Variants in PLSCR4 observed in about 807,000 individuals in gnomAD.
PLSCR4 encodes the protein Ca(2+)-dependent phospholipid scramblase 4.
In PLSCR4, 25 loss-of-function variants were observed where a neutral mutation model predicts 36.3. That is an observed-to-expected ratio of 0.69 (90% CI 0.50 to 0.96). The LOEUF is 0.96. PLSCR4 is among the 40% of genes least tolerant of loss of function. The pLI is 0.00. For missense variants in PLSCR4, 408 were observed against 414.7 expected, an observed-to-expected ratio of 0.98 and a Z score of 0.14; for synonymous variants, 122 against 132.9, an observed-to-expected ratio of 0.92 and a Z score of 0.56.
At chr3:146,245,638 A>C (rs1464156160) in intron 1 of PLSCR4, among the ~76,000 whole-genome samples, 2 of 152,090 alleles carry the variant, frequency 1.3e-5, no homozygotes, top group Non-Finnish European at 2.9e-5. Flanking sequence ...CAAATGTTAA[A>C]CATATAATCT....
intron 1 of PLSCR4, among the ~76,000 whole-genome samples, chr3:146,238,294 T>C (rs1052931893): frequency 6.6e-6 from 1 of 151,788 alleles, no homozygotes; most frequent in Non-Finnish European, 1.5e-5. Flanking sequence ...CAAACTCTTC[T>C]AAAACTTATT....
chr3:146,231,847 C>T (rs150343995), intron 1 of PLSCR4, among the ~76,000 whole-genome samples: 121 of 152,196 alleles, frequency 8.0e-4, no homozygotes, highest in African/African-American at 2.9e-3. Flanking sequence ...TCTGTAAAAG[C>T]TCTTTAGTTT....
chr3:146,196,772 C>T lies in PLSCR4; in HGVS notation c.646G>A (p.Gly216Ser), dbSNP rs1341841057. The part of the protein sequence containing the change: ...RQELEVQCPP[G>S]VTIGFVAEHW... ...TCCGCAACAAAGCCAATGGTGACAC[C>T]AGGAGGACACTGCACCTCCAGCTGC... The change falls in exon 7 of 9, where the codon GGT becomes AGT. Residue 216 changes from glycine (G) to serine (S), a missense_variant. Gly to Ser is a moderately conservative substitution (Grantham distance 56, BLOSUM62 0). Transcript: ENST00000354952. 1.2e-6 allele frequency: 2 copies of T among 1,613,738 alleles called. No individual in the cohort carries two copies. Among genetic ancestry groups the T allele is most frequent in the East Asian group, 2.2e-5 (1 of 44,880 alleles).
chr3:146,196,781 A>G lies in PLSCR4; in HGVS notation c.637T>C (p.Cys213Arg). 1 of 1,613,792 alleles carries G rather than the reference A, an allele frequency of 6.2e-7. No individual in the cohort carries two copies. Among genetic ancestry groups the G allele is most frequent in the South Asian group, 1.1e-5 (1 of 91,068 alleles). The part of the protein sequence containing the change: ...PSARQELEVQ[C>R]PPGVTIGFVA... ...AAGCCAATGGTGACACCAGGAGGAC[A>G]CTGCACCTCCAGCTGCAAACAAAAC... is the stretch of plus-strand genomic sequence containing the variant. Residue 213 changes from cysteine (C) to arginine (R), a missense_variant, in exon 7 of 9, where the codon TGT (cysteine) becomes CGT (arginine). Physicochemically the swap from Cys to Arg is radical, Grantham distance 180. Transcript: ENST00000354952.
chr3:146,250,201 T>C (rs2036490935), intron 1 of PLSCR4, among the ~76,000 whole-genome samples: 1 of 152,222 alleles, frequency 6.6e-6, no homozygotes, highest in Non-Finnish European at 1.5e-5. Flanking sequence ...TGAGAGCAGA[T>C]AGACAGATGG....
chr3:146,225,821 C>T (rs139976377), intron 1 of PLSCR4, among the ~76,000 whole-genome samples: 2 of 152,210 alleles, frequency 1.3e-5, no homozygotes, highest in Non-Finnish European at 1.5e-5. Flanking sequence ...CCACACCTCC[C>T]TGCAAGCTGA....
At chr3:146,196,869 C>A (rs773246501) in intron 6 of PLSCR4, 76 bp from the exon 7 acceptor site, 25 of 1,219,074 alleles carry the variant, frequency 2.1e-5, no homozygotes, top group Non-Finnish European at 3.0e-5. Flanking sequence ...CATACACAAT[C>A]TAGATGTGTC....
At chr3:146,211,749 T>A (rs13062557) in intron 3 of PLSCR4, among the ~76,000 whole-genome samples, 5,509 of 152,220 alleles carry the variant, frequency 0.036, 151 homozygotes, top group South Asian at 0.073. Flanking sequence ...GGTGAGACAG[T>A]TTCAAATCAT....
At chr3:146,232,068 G>A (rs2035735531) in intron 1 of PLSCR4, among the ~76,000 whole-genome samples, 1 of 152,122 alleles carries the variant, frequency 6.6e-6, no homozygotes, top group South Asian at 2.1e-4. Context: ...ACAGTCTTCT[G>A]CATATGGCTA....
chr3:146,197,585 C>T (rs1031308289), intron 6 of PLSCR4, among the ~76,000 whole-genome samples: 2 of 152,012 alleles, frequency 1.3e-5, no homozygotes, highest in African/African-American at 4.8e-5. Flanking sequence ...GTTTATAAAG[C>T]CATTTTTTAA....
intron 1 of PLSCR4, among the ~76,000 whole-genome samples, chr3:146,223,365 C>T (rs1224352990): frequency 1.3e-5 from 2 of 152,050 alleles, no homozygotes; most frequent in African/African-American, 2.4e-5. Flanking sequence ...TTACTGAATG[C>T]TTATCAAGTG....
At chr3:146,229,987 C>T (rs2108317750) in intron 1 of PLSCR4, among the ~76,000 whole-genome samples, 1 of 152,186 alleles carries the variant, frequency 6.6e-6, no homozygotes, top group African/African-American at 2.4e-5. Context: ...TTCTGTGAGT[C>T]ATTCTAGGAA....
At chr3:146,247,553 T>C (rs1233858332) in intron 1 of PLSCR4, among the ~76,000 whole-genome samples, 1 of 152,232 alleles carries the variant, frequency 6.6e-6, no homozygotes, top group African/African-American at 2.4e-5. Context: ...CTTCTTTATA[T>C]GAAAGGTATT....
At chr3:146,246,556 G>A (rs370758504) in intron 1 of PLSCR4, among the ~76,000 whole-genome samples, 101 of 150,608 alleles carry the variant, frequency 6.7e-4, no homozygotes, top group Admixed American at 1.7e-3. Flanking sequence ...AATATCAGGT[G>A]TCTCCTTTTT....
intron 1 of PLSCR4, among the ~76,000 whole-genome samples, chr3:146,235,023 C>T (rs2035859628): frequency 2.6e-5 from 4 of 152,154 alleles, no homozygotes; most frequent in Admixed American, 2.6e-4. Flanking sequence ...AATCAATTAG[C>T]TCCATGGCAT....
chr3:146,194,545 C>T (rs1274880558), intron 8 of PLSCR4, 90 bp from the exon 9 acceptor site: 1 of 775,772 alleles, frequency 1.3e-6, no homozygotes, highest in Non-Finnish European at 2.2e-6. Flanking sequence ...TAGGGGATTC[C>T]CCCATTCCAG....
chr3:146,227,492 T>C (rs2035526830), intron 1 of PLSCR4, among the ~76,000 whole-genome samples: 1 of 152,224 alleles, frequency 6.6e-6, no homozygotes. Context: ...AGCTGTGTTA[T>C]ATGCAAGCTT....
chr3:146,206,470 G>T, intron 4 of PLSCR4, 56 bp downstream of exon 4: 11 of 1,303,054 alleles, frequency 8.4e-6, no homozygotes, highest in Admixed American at 7.0e-5. Flanking sequence ...TTCTCTCTTT[G>T]TTGGATCCCT....
At chr3:146,225,443 C>T (rs1234234945) in intron 1 of PLSCR4, among the ~76,000 whole-genome samples, 1 of 152,242 alleles carries the variant, frequency 6.6e-6, no homozygotes, top group Non-Finnish European at 1.5e-5. Flanking sequence ...ACTCCTCAGC[C>T]CTTGGGTGGT....
Sources: gnomAD v4.1 joint callset for allele counts (sites outside exome capture counted in the v4.1 genomes callset) on GRCh38, gnomAD v4.1.1 for gene constraint, MANE v1.5 for transcripts, NCBI Gene and HGNC (gene_info 2026-07-23, HGNC 2026-07-21) for gene names.